MAGI2: variants seen among roughly 807,000 people sequenced by gnomAD.
MAGI2 encodes the protein membrane-associated guanylate kinase, WW and PDZ domain-containing protein 2.
In MAGI2, 35 loss-of-function variants were observed where a neutral mutation model predicts 133.3. The observed-to-expected ratio is 0.26, with a 90% CI of 0.20 to 0.35. MAGI2 has a LOEUF of 0.35. Ranked by LOEUF, MAGI2 falls within the 10% of genes least tolerant of loss-of-function variation. MAGI2 has a pLI of 1.00. For synonymous variants in MAGI2, 729 were observed against 710.6 expected (o/e 1.03, Z -0.41); for missense variants, 1,636 against 1,863.4 (o/e 0.88, Z 2.25).
In MAGI2 at chr7:79,439,468, C is replaced by T. The variant is rs142509598; in HGVS notation, c.301+13552G>A. On this transcript the variant is annotated intron_variant, in intron 1 of 21. Coordinates refer to ENST00000354212, the MANE Select transcript of MAGI2 (RefSeq NM_012301.4). ...AAGATCCACACTCTCTATATTATACCCCTCTGCTTCTTCCTGTCCCTCCTA... is the reference window on the plus strand; with the variant it reads ...AAGATCCACACTCTCTATATTATACTCCTCTGCTTCTTCCTGTCCCTCCTA... 6.0e-3 allele frequency among the ~76,000 whole-genome samples: 912 copies of T among 152,132 alleles called. 11 individuals are homozygous for T. The highest frequency in any genetic ancestry group is 0.021 in the African/African-American group (871 of 41,532).
chr7:78,389,882 A>C (rs1267379686), intron 6 of MAGI2, among the ~76,000 whole-genome samples: 1 of 152,232 alleles, frequency 6.6e-6, no homozygotes, highest in Non-Finnish European at 1.5e-5. Context: ...AAACCATTAA[A>C]GGTTTAGTTA....
chr7:79,376,315 A>C (rs6947186), intron 1 of MAGI2, among the ~76,000 whole-genome samples: 20,475 of 151,884 alleles, frequency 0.13, 1,466 homozygotes, highest in South Asian at 0.25. Context: ...ATACACTGTA[A>C]GAAAAGTTAT....
rs187261126 is a variant in MAGI2, at chr7:79,228,082, C to T, written c.302-220876G>A. Among the ~76,000 whole-genome samples, 208 of 152,034 alleles carry T rather than the reference C, an allele frequency of 1.4e-3. 1 individual carries two copies. Among genetic ancestry groups the T allele is most frequent in the African/African-American group, 4.8e-3 (198 of 41,490 alleles). ...GCTGAAGGCTAGGTGCCTTGTCTTA[C>T]ATCTGTAATTGCAGCTACTTGAGAT... On this transcript the variant is annotated intron_variant, in intron 1 of 21. Transcript: ENST00000354212.
intron 2 of MAGI2, among the ~76,000 whole-genome samples, chr7:78,861,105 AG>A (rs1173504473): frequency 6.6e-6 from 1 of 152,170 alleles, no homozygotes; most frequent in Non-Finnish European, 1.5e-5. Context: ...GTGCAGTATT[AG>A]GGTGGGAGTG....
chr7:78,493,840 A>C (rs1047843323), intron 5 of MAGI2, among the ~76,000 whole-genome samples: 6 of 141,852 alleles, frequency 4.2e-5, no homozygotes, highest in African/African-American at 1.5e-4. Flanking sequence ...GCACTTAATA[A>C]GTATGATATT....
intron 6 of MAGI2, among the ~76,000 whole-genome samples, chr7:78,386,092 C>T (rs1400078187): frequency 6.6e-6 from 1 of 152,108 alleles, no homozygotes; most frequent in Non-Finnish European, 1.5e-5. Context: ...TGTCCCACCT[C>T]TGCAGCATTC....
intron 1 of MAGI2, among the ~76,000 whole-genome samples, chr7:79,400,407 A>T (rs1359499244): frequency 6.6e-6 from 1 of 152,218 alleles, no homozygotes; most frequent in Non-Finnish European, 1.5e-5. Context: ...ACAAAGTCAT[A>T]GTGCTGACTT....
At chr7:78,856,824 T>A (rs1793686454) in intron 2 of MAGI2, among the ~76,000 whole-genome samples, 2 of 152,178 alleles carry the variant, frequency 1.3e-5, no homozygotes, top group African/African-American at 2.4e-5. Context: ...TGGCATTGAA[T>A]CTATAAAGTA....
At chr7:78,606,728 C>G (rs888743672) in intron 3 of MAGI2, among the ~76,000 whole-genome samples, 2 of 152,168 alleles carry the variant, frequency 1.3e-5, no homozygotes, top group Admixed American at 6.5e-5. Context: ...AATTTTATGG[C>G]ATCAATAAAG....
intron 2 of MAGI2, among the ~76,000 whole-genome samples, chr7:78,900,560 C>T (rs187447223): frequency 3.2e-4 from 48 of 152,206 alleles, no homozygotes; most frequent in Admixed American, 1.3e-4. Context: ...GTTCTCTCCC[C>T]CTTCCTTTGG....
chr7:78,693,907 GA>G (rs1817228818), intron 2 of MAGI2, among the ~76,000 whole-genome samples: 1 of 152,176 alleles, frequency 6.6e-6, no homozygotes, highest in Admixed American at 6.5e-5. Flanking sequence ...GATATCCTTA[GA>G]AAAGTGTCTG....
chr7:78,950,430 A>T (rs986895330), intron 2 of MAGI2, among the ~76,000 whole-genome samples: 1 of 152,152 alleles, frequency 6.6e-6, no homozygotes, highest in Non-Finnish European at 1.5e-5. Flanking sequence ...ACATTAAGAC[A>T]CTGATGTTCT....
intron 1 of MAGI2, chr7:79,343,518 T>A (rs573162127): frequency 6.7e-6 from 1 of 148,170 alleles, no homozygotes; most frequent in African/African-American, 2.5e-5. Flanking sequence ...ATTTTTATTA[T>A]TGATTTTCAC....
intron 1 of MAGI2, among the ~76,000 whole-genome samples, chr7:79,206,848 A>C (rs1275273679): frequency 6.6e-6 from 1 of 151,946 alleles, no homozygotes. Flanking sequence ...ACAGCACACT[A>C]AAAAGATCCA....
intron 2 of MAGI2, among the ~76,000 whole-genome samples, chr7:78,853,607 C>T (rs1324267435): frequency 1.3e-5 from 2 of 151,898 alleles, no homozygotes; most frequent in South Asian, 2.1e-4. Context: ...TCTCCTGCCT[C>T]GACCTCCCAA....
At chr7:79,189,360 T>A (rs574344599) in intron 1 of MAGI2, among the ~76,000 whole-genome samples, 1 of 151,390 alleles carries the variant, frequency 6.6e-6, no homozygotes, top group East Asian at 1.9e-4. Context: ...CTTGAATGTT[T>A]ATTTCTTTGA....
intron 1 of MAGI2, among the ~76,000 whole-genome samples, chr7:79,071,585 A>G (rs561827934): frequency 6.6e-6 from 1 of 151,692 alleles, no homozygotes; most frequent in African/African-American, 2.4e-5. Flanking sequence ...TCCCAGGGAA[A>G]TGGGGGTTTT....
intron 2 of MAGI2, among the ~76,000 whole-genome samples, chr7:78,724,087 T>C (rs1360157737): frequency 6.6e-6 from 1 of 152,100 alleles, no homozygotes; most frequent in Non-Finnish European, 1.5e-5. Context: ...AGGCTTTAAT[T>C]GGGTGCTGTA....
chr7:78,226,429 T>C (rs2150858151), intron 10 of MAGI2, among the ~76,000 whole-genome samples: 1 of 152,356 alleles, frequency 6.6e-6, no homozygotes, highest in Admixed American at 6.5e-5. Context: ...CTCTCCTTAT[T>C]TCAACTTTAT....
Sources: allele counts gnomAD v4.1 joint callset (sites outside exome capture counted in the v4.1 genomes callset), GRCh38; gene constraint gnomAD v4.1.1; transcripts MANE v1.5; gene names NCBI Gene and HGNC (gene_info 2026-07-23, HGNC 2026-07-21).